CYLD: variants seen among roughly 807,000 people sequenced by gnomAD.
The protein encoded by CYLD is CYLD lysine 63 deubiquitinase.
Under a neutral mutation model 104.5 loss-of-function variants are expected in CYLD, and 26 were observed. The observed-to-expected ratio is 0.25, with a 90% confidence interval of 0.18 to 0.35. CYLD has a LOEUF of 0.35. Among genes scored for constraint, CYLD ranks in the 10% least tolerant of loss-of-function variants. The probability of loss-of-function intolerance (pLI) is 1.00; values close to 1 mark genes in which losing one functional copy is unlikely to be tolerated. For synonymous variants in CYLD, 385 were observed against 399.9 expected (o/e 0.96, Z 0.45); for missense variants, 703 against 1,136.1 (o/e 0.62, Z 5.48).
chr16:50,786,585 C>T, intron 12 of CYLD: 1 of 353,628 alleles, frequency 2.8e-6, no homozygotes, highest in Non-Finnish European at 5.3e-6. Flanking sequence ...CATGGTGAAA[C>T]CCTGTTTCTA....
chr16:50,789,813 T>C (rs1971250112), intron 14 of CYLD, among the ~76,000 whole-genome samples: 1 of 152,064 alleles, frequency 6.6e-6, no homozygotes, highest in Non-Finnish European at 1.5e-5. Flanking sequence ...AAGAACTAGA[T>C]GACAATGAAA....
intron 8 of CYLD, among the ~76,000 whole-genome samples, chr16:50,778,861 A>G (rs141330564): frequency 3.9e-5 from 6 of 152,312 alleles, no homozygotes; most frequent in African/African-American, 1.4e-4. Context: ...TTTTTTAAAA[A>G]TATGGATAAC....
chr16:50,754,249 A>G (rs1434654630), intron 4 of CYLD, 70 bp from the exon 5 acceptor site: 1 of 1,027,544 alleles, frequency 9.7e-7, no homozygotes, highest in East Asian at 2.4e-5. Flanking sequence ...AGGATTCTTT[A>G]TGGAAAATAC....
intron 8 of CYLD, among the ~76,000 whole-genome samples, chr16:50,778,811 G>A (rs1412628713): frequency 6.6e-6 from 1 of 152,130 alleles, no homozygotes; most frequent in Non-Finnish European, 1.5e-5. Context: ...ACCTGGAGCT[G>A]ATTTTCATGT....
chr16:50,794,438 A>G lies in CYLD; in HGVS notation c.2686+10A>G. The G allele has an allele frequency of 6.2e-7, 1 of 1,613,692 alleles. No individual in the cohort carries two copies. Among genetic ancestry groups the G allele is most frequent in the Non-Finnish European group, 8.5e-7 (1 of 1,179,852 alleles). ...ATGGCCGATCGGGATGGTACTGAAA[A>G]CGCCTTTCTTCTGCATGTGGCACAG... is the stretch of plus-strand genomic sequence containing the variant. On this transcript the variant is annotated intron_variant, in intron 18 of 18. Transcript: ENST00000427738. The surrounding 1 kb of genome is among the most constrained non-coding windows in gnomAD (Gnocchi z 4.1).
chr16:50,758,968 G>A (rs1967594249), intron 5 of CYLD, among the ~76,000 whole-genome samples: 1 of 152,208 alleles, frequency 6.6e-6, no homozygotes, highest in South Asian at 2.1e-4. Flanking sequence ...GCTGGGTGCA[G>A]TGGCTTATTC....
At chr16:50,750,503 A>G (rs1444966469) in intron 3 of CYLD, among the ~76,000 whole-genome samples, 1 of 152,208 alleles carries the variant, frequency 6.6e-6, no homozygotes, top group Non-Finnish European at 1.5e-5. Flanking sequence ...ATTCTTGAGA[A>G]CTTAAATGTC....
intron 5 of CYLD, among the ~76,000 whole-genome samples, chr16:50,754,964 C>A (rs1373619158): frequency 1.4e-5 from 2 of 140,478 alleles, no homozygotes; most frequent in African/African-American, 2.7e-5. Flanking sequence ...TATACATATA[C>A]ACACATATAT....
rs990897102 is a variant in CYLD at position 50,798,217 on chromosome 16, T to C, written c.*1709T>C. ...ATGTGATTTTAAAAAATTGACTACC[T>C]GGAGGAATGATTAGGAATCTAAATG... On this transcript the variant is annotated 3_prime_UTR_variant, in exon 19 of 19. Transcript: ENST00000427738. 2 of 232,222 alleles carry C rather than the reference T, an allele frequency of 8.6e-6. No homozygotes were observed. Among genetic ancestry groups the C allele is most frequent in the Non-Finnish European group, 1.7e-5 (2 of 117,326 alleles). 14.4% of individuals were successfully genotyped at this position (232,222 alleles called of 1,614,324 possible). A position where few individuals can be genotyped will look rare whatever the true frequency, so the allele number is the denominator to read the frequency against.
At chr16:50,783,369 A>G (rs566941095) in intron 11 of CYLD, among the ~76,000 whole-genome samples, 2 of 152,322 alleles carry the variant, frequency 1.3e-5, no homozygotes, top group Admixed American at 1.3e-4. Context: ...TTAATATGGG[A>G]TGTTAACATT....
intron 5 of CYLD, among the ~76,000 whole-genome samples, chr16:50,766,719 CT>C (rs1367216181): frequency 6.6e-6 from 1 of 152,092 alleles, no homozygotes; most frequent in Non-Finnish European, 1.5e-5. Context: ...TCATGGATGA[CT>C]TTGAGGGACT....
chr16:50,770,600 G>A (rs898611577), intron 5 of CYLD, among the ~76,000 whole-genome samples: 12 of 151,536 alleles, frequency 7.9e-5, no homozygotes, highest in East Asian at 5.8e-4. Context: ...ACAGGTGTGC[G>A]CCCCCGAGCC....
chr16:50,762,576 C>T (rs1489467670), intron 5 of CYLD, among the ~76,000 whole-genome samples: 2 of 152,096 alleles, frequency 1.3e-5, no homozygotes, highest in African/African-American at 4.8e-5. Context: ...TATTGTTAGC[C>T]TTTGGGCTTC....
At chr16:50,750,487 A>C (rs1359151567) in intron 3 of CYLD, among the ~76,000 whole-genome samples, 1 of 152,166 alleles carries the variant, frequency 6.6e-6, no homozygotes. Context: ...TCCAAGCTTA[A>C]TATTCATTCT....
In CYLD at chr16:50,752,561, T is replaced by G. The variant is rs535952761; in HGVS notation, c.807+655T>G. On this transcript the variant is annotated intron_variant, in intron 4 of 18. Transcript: ENST00000427738. ...TTTATCACTTAAGCATTTTTAAGTGTGCATACAGTGGCATTAAGTGTATTC... is the reference window on the plus strand; with the variant it reads ...TTTATCACTTAAGCATTTTTAAGTGGGCATACAGTGGCATTAAGTGTATTC... 2.0e-5 allele frequency among the ~76,000 whole-genome samples: 3 copies of G among 152,342 alleles called. No individual in the cohort carries two copies. In the East Asian group the frequency reaches 5.8e-4, roughly 29 times the overall value.
At chr16:50,753,925 G>C (rs1966819265) in intron 4 of CYLD, among the ~76,000 whole-genome samples, 2 of 152,262 alleles carry the variant, frequency 1.3e-5, no homozygotes, top group South Asian at 2.1e-4. Context: ...CTAATTAGAG[G>C]CAGGTTTCTG....
chr16:50,781,689 A>C (rs1970228827), intron 10 of CYLD, among the ~76,000 whole-genome samples: 1 of 152,094 alleles, frequency 6.6e-6, no homozygotes, highest in African/African-American at 2.4e-5. Flanking sequence ...AGTTTTCAGC[A>C]ATACTAGTGG....
intron 5 of CYLD, among the ~76,000 whole-genome samples, chr16:50,761,610 T>A (rs34464167): frequency 0.58 from 87,480 of 152,084 alleles, 26,438 homozygotes; most frequent in African/African-American, 0.75. Context: ...GCTTTTTGCC[T>A]TGCAGGATTT....
At chr16:50,778,550 T>C (rs1040700633) in intron 8 of CYLD, among the ~76,000 whole-genome samples, 3 of 152,190 alleles carry the variant, frequency 2.0e-5, no homozygotes, top group Admixed American at 6.5e-5. Flanking sequence ...GGGGTGTTTC[T>C]TTGGGGCAGT....
Sources: allele counts gnomAD v4.1 joint callset (sites outside exome capture counted in the v4.1 genomes callset), GRCh38; gene constraint gnomAD v4.1.1; non-coding constraint Gnocchi (gnomAD v3.1); transcripts MANE v1.5; gene names NCBI Gene and HGNC (gene_info 2026-07-23, HGNC 2026-07-21).